LARP7: variants seen among roughly 807,000 people sequenced by gnomAD.
The protein encoded by LARP7 is La ribonucleoprotein 7, transcriptional regulator.
In LARP7, 52 loss-of-function variants were observed where a neutral mutation model predicts 69.3. That is an observed-to-expected ratio of 0.75 (90% CI 0.60 to 0.95). LARP7 has a LOEUF of 0.95. LARP7 is among the 40% of genes least tolerant of loss of function. The pLI is 0.00. For synonymous variants in LARP7, 254 were observed against 215.9 expected, an observed-to-expected ratio of 1.18 and a Z score of -1.55; for missense variants, 733 against 673.0, an observed-to-expected ratio of 1.09 and a Z score of -0.99.
At chr4:112,641,710 A>G (rs1457067958) in intron 1 of LARP7, among the ~76,000 whole-genome samples, 1 of 152,224 alleles carries the variant, frequency 6.6e-6, no homozygotes, top group Non-Finnish European at 1.5e-5. Flanking sequence ...TTGCCTTTTC[A>G]GCAATTTTGT....
At chr4:112,646,009 GTT>G (rs1267430305) in intron 2 of LARP7, among the ~76,000 whole-genome samples, 1 of 140,970 alleles carries the variant, frequency 7.1e-6, no homozygotes, top group African/African-American at 2.8e-5. Flanking sequence ...TTTTTTGTTT[GTT>G]TTGTTTGAGT....
intron 2 of LARP7, chr4:112,645,512 T>C (rs1423118363): frequency 5.7e-5 from 26 of 456,120 alleles, no homozygotes; most frequent in Admixed American, 5.6e-4. Context: ...TTATTTTTTG[T>C]TTCATTTTTT....
chr4:112,648,004 CCA>C (rs2048417224), intron 8 of LARP7, 170 bp downstream of exon 8: 1 of 706,952 alleles, frequency 1.4e-6, no homozygotes, highest in Non-Finnish European at 2.7e-6. Context: ...GTAGGAACCA[CCA>C]CACTCAAACA....
At chr4:112,656,744 CAAT>C (rs1193335576) in intron 12 of LARP7, among the ~76,000 whole-genome samples, 1 of 152,130 alleles carries the variant, frequency 6.6e-6, no homozygotes, top group African/African-American at 2.4e-5. Flanking sequence ...TAATTCACCT[CAAT>C]GATGAATAAT....
In LARP7 at chr4:112,646,589, T is replaced by A. The variant is rs1210135862; in HGVS notation, c.305T>A (p.Leu102His). Residue 102 changes from leucine (L) to histidine (H), a missense_variant and splice_region_variant, in exon 4 of 13, where the codon CTT (leucine) becomes CAT (histidine). By Grantham distance (99) the Leu-to-His change is moderately conservative. Coordinates refer to ENST00000344442, the MANE Select transcript of LARP7 (RefSeq NM_016648.4). ...TTAATGTAATATACTATTTTAAAGC[T>A]TGATTTGGAAGGCACCAGAATCCGG... The part of the protein sequence containing the change: ...RALRSSAVVE[L>H]DLEGTRIRRK... 1 of 1,567,466 alleles carries A rather than the reference T, an allele frequency of 6.4e-7. No individual in the cohort carries two copies. The highest frequency in any genetic ancestry group is 1.8e-5 in the Admixed American group (1 of 55,246).
intron 1 of LARP7, chr4:112,644,406 A>AT (rs2048083368): frequency 2.2e-6 from 2 of 922,840 alleles, no homozygotes; most frequent in Non-Finnish European, 1.4e-6. Context: ...TAAAGGTGTA[A>AT]TTTTTTATAT....
At chr4:112,644,632 A>T (rs1406172006) in intron 1 of LARP7, 36 bp from the exon 2 acceptor site, 1 of 1,472,858 alleles carries the variant, frequency 6.8e-7, no homozygotes, top group East Asian at 2.3e-5. Flanking sequence ...TATTGTGGTG[A>T]TTTAAATATT....
At position 112,647,664 on chromosome 4, in the gene LARP7, C is replaced by T. The variant is rs146962383; in HGVS notation, c.998-26C>T. On this transcript the variant is annotated intron_variant, in intron 7 of 12. Coordinates refer to ENST00000344442, the MANE Select transcript of LARP7 (RefSeq NM_016648.4). ...CCCATTTCACAGCCCCATGTCTTAA[C>T]GGAGAGCTTTTTTATTTATTTCAAG... 349 of 1,505,534 alleles carry T rather than the reference C, an allele frequency of 2.3e-4. 1 individual carries two copies. The East Asian group carries it at 7.3e-3, about 32-fold the overall frequency. 93.3% of individuals were successfully genotyped at this position (1,505,534 alleles called of 1,614,324 possible).
intron 11 of LARP7, 114 bp downstream of exon 11, chr4:112,653,350 C>G: frequency 2.5e-6 from 2 of 796,978 alleles, no homozygotes; most frequent in Non-Finnish European, 3.7e-6. Flanking sequence ...TGCTCTGTCG[C>G]TCAGGCTGGA....
chr4:112,638,530 T>C (rs919479715), intron 1 of LARP7, among the ~76,000 whole-genome samples: 1 of 152,234 alleles, frequency 6.6e-6, no homozygotes, highest in Non-Finnish European at 1.5e-5. Flanking sequence ...TTAATATTCA[T>C]TTCAACGTTC....
At chr4:112,652,293 T>TTC (rs2048778294) in intron 10 of LARP7, among the ~76,000 whole-genome samples, 17 of 97,252 alleles carry the variant, frequency 1.7e-4, no homozygotes, top group South Asian at 2.9e-4. Context: ...AAATAAGATT[T>TTC]CCCCCCCCCC....
chr4:112,644,265 C>T (rs1578564688), intron 1 of LARP7: 1 of 203,886 alleles, frequency 4.9e-6, no homozygotes, highest in Non-Finnish European at 8.8e-6. Flanking sequence ...AAAGCGAATA[C>T]AACTTCTCTG....
Position 112,650,660 on chromosome 4 carries a change from G to C in LARP7, c.1416+78G>C, listed in dbSNP as rs1431155057. 2.1e-6 allele frequency: 3 copies of C among 1,417,072 alleles called. No individual in the cohort carries two copies. In the East Asian group the frequency reaches 7.4e-5, roughly 35 times the overall value. 87.8% of individuals were successfully genotyped at this position (1,417,072 alleles called of 1,614,324 possible). A position where few individuals can be genotyped will look rare whatever the true frequency, so the allele number is the denominator to read the frequency against. ...CCTGTGTGAAAATGTTTTGAATATG[G>C]AAGATAAAACAAATCAAGTTAGAAT... On this transcript the variant is annotated intron_variant, in intron 10 of 12. Coordinates refer to ENST00000344442, the MANE Select transcript of LARP7 (RefSeq NM_016648.4).
intron 2 of LARP7, chr4:112,645,720 C>G: frequency 2.4e-6 from 1 of 417,978 alleles, no homozygotes; most frequent in South Asian, 1.7e-5. Flanking sequence ...TGGGGTCCCA[C>G]CATGTTGCCC....
intron 10 of LARP7, 118 bp from the exon 11 acceptor site, chr4:112,652,959 A>C: frequency 1.6e-6 from 1 of 643,480 alleles, no homozygotes; most frequent in South Asian, 3.4e-5. Flanking sequence ...TTTGCTCCTC[A>C]TTAGACTGCA....
intron 8 of LARP7, among the ~76,000 whole-genome samples, chr4:112,648,959 T>A (rs2149274135): frequency 6.6e-6 from 1 of 151,600 alleles, no homozygotes; most frequent in Admixed American, 6.6e-5. Context: ...GAAAATCTCC[T>A]ATCTGCTTGT....
chr4:112,653,909 AAACT>A (rs377254241), intron 11 of LARP7, among the ~76,000 whole-genome samples, 155 bp from the exon 12 acceptor site: 112 of 152,298 alleles, frequency 7.4e-4, no homozygotes, highest in East Asian at 2.3e-3. Context: ...GCACCTGGCA[AAACT>A]AACTATTTTT....
Position 112,646,348 on chromosome 4 carries a change from T to C in LARP7, c.203-3T>C, listed in dbSNP as rs201651306. 7.4e-7 allele frequency: 1 copy of C among 1,348,464 alleles called. No individual in the cohort carries two copies. The allele number at this position is 1,348,464 out of a possible 1,614,324, so 83.5% of individuals were successfully genotyped here. A position where few individuals can be genotyped will look rare whatever the true frequency, so the allele number is the denominator to read the frequency against. ...AACATATTAACTTTTTCATTTTCTT[T>C]AGATGTTGATATATCACTACTTGTG... is the stretch of plus-strand genomic sequence containing the variant. On this transcript the variant is annotated splice_region_variant and splice_polypyrimidine_tract_variant and intron_variant, in intron 2 of 12. Coordinates refer to ENST00000344442, the MANE Select transcript of LARP7 (RefSeq NM_016648.4).
chr4:112,643,925 C>T (rs1317275843), intron 1 of LARP7, among the ~76,000 whole-genome samples: 1 of 151,870 alleles, frequency 6.6e-6, no homozygotes, highest in Non-Finnish European at 1.5e-5. Flanking sequence ...AATTCTGCCC[C>T]TAGAAAGCAG....
Sources: allele counts gnomAD v4.1 joint callset (sites outside exome capture counted in the v4.1 genomes callset), GRCh38; gene constraint gnomAD v4.1.1; transcripts MANE v1.5; gene names NCBI Gene and HGNC (gene_info 2026-07-23, HGNC 2026-07-21).